The following RUFY1 variants were observed in gnomAD, a reference collection of about 807,000 sequenced individuals.
RUFY1 encodes the protein RUN and FYVE domain containing 1.
RUFY1 carries 54 observed loss-of-function variants against 94.6 expected under a neutral mutation model. The observed-to-expected ratio is 0.57, with a 90% CI of 0.46 to 0.72. The LOEUF (loss-of-function observed/expected upper bound fraction) is 0.72, where lower values mean the gene tolerates loss of function less well. Ranked by LOEUF, RUFY1 falls within the 30% of genes least tolerant of loss-of-function variation. RUFY1 has a pLI of 0.00. For synonymous variants in RUFY1, 396 were observed against 347.3 expected (o/e 1.14, Z -1.56); for missense variants, 883 against 883.9 (o/e 1.00, Z 0.01).
intron 10 of RUFY1, among the ~76,000 whole-genome samples, chr5:179,592,867 A>G (rs78186717): frequency 0.034 from 5,152 of 152,310 alleles, 114 homozygotes; most frequent in Non-Finnish European, 0.05. Flanking sequence ...CGAGACAGAT[A>G]TTCTTTGAAA....
At chr5:179,580,855 C>G in intron 6 of RUFY1, 92 bp from the exon 7 acceptor site, 1 of 695,246 alleles carries the variant, frequency 1.4e-6, no homozygotes. Context: ...GACATTGGTA[C>G]TTCTACAAGG....
chr5:179,580,847 C>CATTGGTACTTCTACAAGGTGATTGGAAT, intron 6 of RUFY1, 100 bp from the exon 7 acceptor site: 1 of 660,008 alleles, frequency 1.5e-6, no homozygotes, highest in South Asian at 2.0e-5. Context: ...TTCTTGAAGA[C>CATTGGTACTTCTACAAGGTGATTGGAAT]ATTGGTACTT....
intron 14 of RUFY1, among the ~76,000 whole-genome samples, chr5:179,600,799 C>T (rs574281740): frequency 2.1e-5 from 3 of 143,000 alleles, no homozygotes; most frequent in Non-Finnish European, 3.0e-5. Context: ...CCAGTTCAAG[C>T]GATTCTCCTG....
intron 5 of RUFY1, among the ~76,000 whole-genome samples, chr5:179,573,849 G>A (rs951490495): frequency 6.6e-6 from 1 of 151,922 alleles, no homozygotes; most frequent in African/African-American, 2.4e-5. Context: ...AGAGATGAAT[G>A]TTGAATGTTG....
At chr5:179,581,321 T>C (rs1353507815) in intron 7 of RUFY1, among the ~76,000 whole-genome samples, 1 of 152,214 alleles carries the variant, frequency 6.6e-6, no homozygotes, top group Non-Finnish European at 1.5e-5. Flanking sequence ...CAAGCACTGT[T>C]GCTGCTGGGA....
chr5:179,559,765 G>A (rs1034561836), intron 1 of RUFY1: 18 of 1,187,526 alleles, frequency 1.5e-5, no homozygotes, highest in Non-Finnish European at 1.7e-5. Context: ...AGCAACGCGC[G>A]GAGCCGTCTG....
intron 5 of RUFY1, 129 bp downstream of exon 5, chr5:179,569,554 A>G: frequency 3.4e-6 from 3 of 891,364 alleles, no homozygotes; most frequent in Non-Finnish European, 5.5e-6. Flanking sequence ...GACCCCAGGG[A>G]TGCAGCTGGG....
intron 16 of RUFY1, chr5:179,607,269 C>T (rs1767196925): frequency 2.5e-6 from 1 of 393,656 alleles, no homozygotes. Context: ...GCTCTGCTTA[C>T]TTCAGCCAAA....
intron 12 of RUFY1, 185 bp from the exon 13 acceptor site, chr5:179,596,377 G>C: frequency 1.3e-6 from 1 of 748,336 alleles, no homozygotes; most frequent in Non-Finnish European, 2.3e-6. Context: ...GCTGAGGTGG[G>C]GAGTTTTGGG....
rs1297150389 is a variant in RUFY1 at position 179,561,931 on chromosome 5, G to A, written c.485-616G>A. ...GATCTCCTGACCTCGTGATCCACCC[G>A]TCTCGGCCTCCCAAAGTGCTGGGAT... On this transcript the variant is annotated intron_variant, in intron 2 of 17. Coordinates refer to ENST00000319449, the MANE Select transcript of RUFY1 (RefSeq NM_025158.5). Among the ~76,000 whole-genome samples the A allele has an allele frequency of 5.3e-5, 8 of 150,242 alleles. No homozygotes were observed. In the East Asian group the frequency reaches 8.1e-4, roughly 15 times the overall value.
At chr5:179,569,234 G>C in intron 4 of RUFY1, 68 bp from the exon 5 acceptor site, 1 of 1,610,266 alleles carries the variant, frequency 6.2e-7, no homozygotes, top group Non-Finnish European at 8.5e-7. Context: ...AGGCAGTTCA[G>C]GGTGGGGAAG....
chr5:179,587,098 G>A (rs1262151312), intron 8 of RUFY1, among the ~76,000 whole-genome samples: 1 of 152,150 alleles, frequency 6.6e-6, no homozygotes, highest in African/African-American at 2.4e-5. Flanking sequence ...CTGTCACCCA[G>A]GCTGGAGTGC....
chr5:179,553,661 G>C (rs1273909384), intron 1 of RUFY1, among the ~76,000 whole-genome samples: 2 of 151,948 alleles, frequency 1.3e-5, no homozygotes, highest in African/African-American at 2.4e-5. Context: ...TTGGTGGTAC[G>C]CACCTGTAAT....
At chr5:179,580,833 T>C in intron 6 of RUFY1, 114 bp from the exon 7 acceptor site, 1 of 613,254 alleles carries the variant, frequency 1.6e-6, no homozygotes, top group Non-Finnish European at 2.9e-6. Context: ...GGCTGTCTCT[T>C]GGTTTCTTGA....
Position 179,550,641 on chromosome 5 carries a change from G to GGGGCCC in RUFY1, c.76_81dup (p.Pro26_Gly27dup), listed in dbSNP as rs1761777084. 2 of 1,395,456 alleles carry GGGGCCC rather than the reference G, an allele frequency of 1.4e-6. No individual in the cohort carries two copies. The highest frequency in any genetic ancestry group is 4.1e-5 in the African/African-American group (2 of 49,228). The allele number at this position is 1,395,456 out of a possible 1,614,324, so 86.4% of individuals were successfully genotyped here. A position where few individuals can be genotyped will look rare whatever the true frequency, so the allele number is the denominator to read the frequency against. On this transcript the variant is annotated inframe_insertion, in exon 1 of 18. Coordinates refer to ENST00000319449, the MANE Select transcript of RUFY1 (RefSeq NM_025158.5). ...TGGAGCCGGAGCTGGAGCCGGGGCC[G>GGGGCCC]GGGCCCGGGTCAGCGCTTGAGCCGG...
At chr5:179,604,710 G>A (rs1157686744) in intron 15 of RUFY1, among the ~76,000 whole-genome samples, 9 of 152,180 alleles carry the variant, frequency 5.9e-5, no homozygotes, top group Admixed American at 1.3e-4. Flanking sequence ...GGCTGGGCGT[G>A]GGGGCTCAGG....
intron 15 of RUFY1, chr5:179,603,734 C>T (rs559417855): frequency 2.0e-5 from 3 of 152,280 alleles, no homozygotes; most frequent in East Asian, 1.9e-4. Context: ...CCATAGACCT[C>T]GAAACTGTGG....
Position 179,550,554 on chromosome 5 carries a change from A to ACCCCGCGCCCGCCCGCCCGCCCC in RUFY1, c.-15_-14insCCCGCGCCCGCCCGCCCGCCCCC, listed in dbSNP as rs1761761721. 1 of 403,092 alleles carries ACCCCGCGCCCGCCCGCCCGCCCC rather than the reference A, an allele frequency of 2.5e-6. No homozygotes were observed. The highest frequency in any genetic ancestry group is 1.3e-4 in the African/African-American group (1 of 7,442). 25.0% of individuals were successfully genotyped at this position (403,092 alleles called of 1,614,324 possible). On this transcript the variant is annotated 5_prime_UTR_variant, in exon 1 of 18. Coordinates refer to ENST00000319449, the MANE Select transcript of RUFY1 (RefSeq NM_025158.5). ...CCCGCGCCCGCCCGCCCGCTGGGTCACATGACACGGCCAAGATGGCCGACC... is the reference window on the plus strand; with the variant it reads ...CCCGCGCCCGCCCGCCCGCTGGGTCACCCCGCGCCCGCCCGCCCGCCCCCATGACACGGCCAAGATGGCCGACC...
chr5:179,582,843 C>CAAAAATAAAAAT (rs146968739), intron 7 of RUFY1, among the ~76,000 whole-genome samples: 3 of 151,550 alleles, frequency 2.0e-5, no homozygotes, highest in African/African-American at 7.3e-5. Context: ...AACTCCATCT[C>CAAAAATAAAAAT]AAAAATAAAA....
Sources: allele counts gnomAD v4.1 joint callset (sites outside exome capture counted in the v4.1 genomes callset), GRCh38; gene constraint gnomAD v4.1.1; transcripts MANE v1.5; gene names NCBI Gene and HGNC (gene_info 2026-07-23, HGNC 2026-07-21).